The following SNX10 variants were observed in gnomAD, a reference collection of about 807,000 sequenced individuals.
SNX10 encodes sorting nexin 10.
In SNX10, 25 loss-of-function variants were observed where a neutral mutation model predicts 28.5. That is an observed-to-expected ratio of 0.88 (90% confidence interval 0.64 to 1.22). SNX10 has a LOEUF of 1.22. SNX10 is among the 50% of genes most tolerant of loss of function. The pLI, the probability that SNX10 is intolerant of heterozygous loss-of-function variation, is 0.00. For synonymous variants in SNX10, 62 were observed against 81.4 expected, an observed-to-expected ratio of 0.76 and a Z score of 1.28; for missense variants, 223 against 242.6, an observed-to-expected ratio of 0.92 and a Z score of 0.54.
chr7:26,352,380 G>A (rs1788641929), intron 2 of SNX10, among the ~76,000 whole-genome samples: 1 of 152,118 alleles, frequency 6.6e-6, no homozygotes, highest in African/African-American at 2.4e-5. Flanking sequence ...ATCATCAATA[G>A]CCACAACATT....
chr7:26,345,304 A>C (rs1788337931), intron 1 of SNX10, among the ~76,000 whole-genome samples: 1 of 152,088 alleles, frequency 6.6e-6, no homozygotes, highest in Non-Finnish European at 1.5e-5. Context: ...ACCATAGGGC[A>C]CGCTTTTCAC....
intron 1 of SNX10, among the ~76,000 whole-genome samples, chr7:26,320,358 C>G (rs1345886348): frequency 1.3e-5 from 2 of 151,948 alleles, no homozygotes; most frequent in East Asian, 3.9e-4. Context: ...AAAATGAAAG[C>G]CCCCTCACCC....
intron 3 of SNX10, among the ~76,000 whole-genome samples, chr7:26,362,838 A>G (rs1163031416): frequency 6.6e-6 from 1 of 152,234 alleles, no homozygotes; most frequent in Non-Finnish European, 1.5e-5. Flanking sequence ...CTGGGTAGCC[A>G]TCATAAATAC....
intron 2 of SNX10, among the ~76,000 whole-genome samples, chr7:26,347,823 C>G (rs1174602468): frequency 6.6e-6 from 1 of 152,032 alleles, no homozygotes; most frequent in Non-Finnish European, 1.5e-5. Context: ...GCACTCCAGC[C>G]TGGGTGACAA....
At chr7:26,292,513 G>A (rs1785963878) in intron 1 of SNX10, among the ~76,000 whole-genome samples, 1 of 152,126 alleles carries the variant, frequency 6.6e-6, no homozygotes, top group Non-Finnish European at 1.5e-5. Context: ...TTGAGGAATT[G>A]GGAGGGGTAG....
rs181008008 is a variant in SNX10 at position 26,346,601 on chromosome 7, C to G, written c.24+135C>G. The G allele has an allele frequency of 3.0e-4, 222 of 732,624 alleles. No homozygotes were observed. In the African/African-American group the frequency reaches 3.5e-3, roughly 12 times the overall value. The allele number at this position is 732,624 out of a possible 1,614,324, so 45.4% of individuals were successfully genotyped here. A position where few individuals can be genotyped will look rare whatever the true frequency, so the allele number is the denominator to read the frequency against. ...AAGACCAAAGGCCCACCCTCCTGTA[C>G]CTGCTCCTCTACTCCCACCATTGGT... On this transcript the variant is annotated intron_variant, in intron 2 of 6. Transcript: ENST00000338523.
rs1322291511 is a variant in SNX10 at position 26,372,807 on chromosome 7, T to C, written c.*235T>C. On this transcript the variant is annotated 3_prime_UTR_variant, in exon 7 of 7. Transcript: ENST00000338523. ...CAATACTATCCTTTACAGGCAGACA[T>C]TATTGGTAAACAAGATCTTGCCCTC... is the stretch of plus-strand genomic sequence containing the variant. 9 of 356,988 alleles carry C rather than the reference T, an allele frequency of 2.5e-5. No individual in the cohort carries two copies. Among genetic ancestry groups the C allele is most frequent in the Non-Finnish European group, 4.0e-5 (8 of 199,112 alleles). 22.1% of individuals were successfully genotyped at this position (356,988 alleles called of 1,614,324 possible). A position where few individuals can be genotyped will look rare whatever the true frequency, so the allele number is the denominator to read the frequency against.
intron 1 of SNX10, among the ~76,000 whole-genome samples, chr7:26,304,937 G>T (rs748510010): frequency 6.6e-6 from 1 of 152,108 alleles, no homozygotes; most frequent in African/African-American, 2.4e-5. Context: ...TCCAAAGCCC[G>T]GCCCAGGGAA....
chr7:26,312,448 A>G (rs1251968021), intron 1 of SNX10, among the ~76,000 whole-genome samples: 1 of 152,218 alleles, frequency 6.6e-6, no homozygotes, highest in African/African-American at 2.4e-5. Context: ...AAGAACAGGA[A>G]CTCTGTAAGA....
At position 26,335,244 on chromosome 7, in the gene SNX10, C is replaced by T. The variant is rs534684157; in HGVS notation, c.-23-11176C>T. 2.0e-3 allele frequency among the ~76,000 whole-genome samples: 305 copies of T among 152,266 alleles called. 1 individual carries two copies. Among genetic ancestry groups the T allele is most frequent in the Middle Eastern group, 0.014 (4 of 294 alleles). ...AGTGTCTTTTATCTACATCATGGCT[C>T]ATATATACTTGTGTTATACGGGTAT... On this transcript the variant is annotated intron_variant, in intron 1 of 6. Coordinates refer to ENST00000338523, the MANE Select transcript of SNX10 (RefSeq NM_013322.3).
intron 1 of SNX10, among the ~76,000 whole-genome samples, chr7:26,294,148 A>T (rs1177056466): frequency 6.6e-6 from 1 of 152,242 alleles, no homozygotes; most frequent in Non-Finnish European, 1.5e-5. Context: ...GCTTTTGGCC[A>T]AGCTCATGGT....
intron 1 of SNX10, among the ~76,000 whole-genome samples, chr7:26,325,271 T>C (rs1787454776): frequency 8.1e-6 from 1 of 124,068 alleles, no homozygotes; most frequent in Non-Finnish European, 1.8e-5. Context: ...GTTTGTGGGA[T>C]CTGGATTTGA....
At chr7:26,341,005 A>G (rs1383493872) in intron 1 of SNX10, among the ~76,000 whole-genome samples, 1 of 152,170 alleles carries the variant, frequency 6.6e-6, no homozygotes, top group Non-Finnish European at 1.5e-5. Flanking sequence ...AGATTTAATG[A>G]TTCTTGGAAT....
chr7:26,363,514 A>T (rs1291408645), intron 3 of SNX10, among the ~76,000 whole-genome samples: 3 of 152,250 alleles, frequency 2.0e-5, no homozygotes, highest in African/African-American at 7.2e-5. Flanking sequence ...AGAGATACTC[A>T]TATTTTCAAA....
In SNX10 at chr7:26,364,545, T is replaced by C; in HGVS notation, c.122T>C (p.Met41Thr). 1 of 1,613,460 alleles carries C rather than the reference T, an allele frequency of 6.2e-7. No homozygotes were observed. Among genetic ancestry groups the C allele is most frequent in the Non-Finnish European group, 8.5e-7 (1 of 1,179,670 alleles). ...DYEICIHTNS[M>T]CFTMKTSCVR... is the part of the protein sequence containing the mutation. ...ACTTTCTCTGTACAGACTAATAGCA[T>C]GTGTTTTACAATGAAAACATCCTGT... The change falls in exon 4 of 7, where the codon ATG becomes ACG. Residue 41 changes from methionine (M) to threonine (T), a missense_variant. By Grantham distance (81) the Met-to-Thr change is moderately conservative. Transcript: ENST00000338523. The surrounding 1 kb of genome is among the most constrained non-coding windows in gnomAD (Gnocchi z 4.9).
Position 26,346,467 on chromosome 7 carries a change from G to A in SNX10, c.24+1G>A, listed in dbSNP as rs776348160. On this transcript the variant is annotated splice_donor_variant, in intron 2 of 6. Coordinates refer to ENST00000338523, the MANE Select transcript of SNX10 (RefSeq NM_013322.3). LOFTEE classifies it high-confidence loss of function. ...GATGTTTCCGGAACAACAGAAAGAG[G>A]TATGTCATCACAAATCCAAAAATAA... 1.9e-6 allele frequency: 3 copies of A among 1,604,048 alleles called. No individual in the cohort carries two copies. The highest frequency in any genetic ancestry group is 2.2e-5 in the East Asian group (1 of 44,854).
chr7:26,344,175 A>ATTTTT (rs35200460), intron 1 of SNX10, among the ~76,000 whole-genome samples: 17 of 114,086 alleles, frequency 1.5e-4, no homozygotes, highest in African/African-American at 5.4e-4. Flanking sequence ...CTGTCTCTGA[A>ATTTTT]TTTTTTTTTT....
chr7:26,348,280 G>C (rs987848638), intron 2 of SNX10, among the ~76,000 whole-genome samples: 1 of 152,182 alleles, frequency 6.6e-6, no homozygotes, highest in Admixed American at 6.5e-5. Context: ...TGCTTGTTCC[G>C]GGAAATACCC....
chr7:26,361,040 T>C lies in SNX10; in HGVS notation c.90T>C (p.Ile30=), dbSNP rs778305367. The C allele has an allele frequency of 3.1e-6, 5 of 1,604,508 alleles. No individual in the cohort carries two copies. The highest frequency in any genetic ancestry group is 4.3e-6 in the Non-Finnish European group (5 of 1,171,946). ...IQKEDFWHSY[I]DYEICIHTNS... ...AGGAGGACTTCTGGCATTCTTACAT[T>C]GACTATGAGATATGTATTCATGTAA... Residue 30 remains isoleucine, a synonymous_variant, in exon 3 of 7, where the codon ATT becomes ATC. Coordinates refer to ENST00000338523, the MANE Select transcript of SNX10 (RefSeq NM_013322.3).
Sources: gnomAD v4.1 joint callset for allele counts (sites outside exome capture counted in the v4.1 genomes callset) on GRCh38, gnomAD v4.1.1 for gene constraint, Gnocchi (gnomAD v3.1) non-coding constraint, MANE v1.5 for transcripts, NCBI Gene and HGNC (gene_info 2026-07-23, HGNC 2026-07-21) for gene names.